CDC7: variants seen among roughly 807,000 people sequenced by gnomAD.
The protein encoded by CDC7 is cell division cycle 7.
Under a neutral mutation model 53.5 loss-of-function variants are expected in CDC7, and 34 were observed. The observed-to-expected ratio is 0.64, with a 90% CI of 0.48 to 0.85. The LOEUF (loss-of-function observed/expected upper bound fraction) is 0.85, where lower values mean the gene tolerates loss of function less well. Among genes scored for constraint, CDC7 ranks in the 40% least tolerant of loss-of-function variants. The pLI is 0.00. For missense variants in CDC7, 594 were observed against 679.7 expected (o/e 0.87, Z 1.40); for synonymous variants, 211 against 222.8 (o/e 0.95, Z 0.47).
chr1:91,524,449 T>C lies in CDC7; in HGVS notation c.*14T>C, dbSNP rs1310268377. On this transcript the variant is annotated 3_prime_UTR_variant, in exon 12 of 12. Transcript: ENST00000234626. ...ATGAGCTTGTGATAATGGATCTTCATTTAATGTTTACTGTTATGAGGTAGA... is the reference window on the plus strand; with the variant it reads ...ATGAGCTTGTGATAATGGATCTTCACTTAATGTTTACTGTTATGAGGTAGA... 6.3e-6 allele frequency: 10 copies of C among 1,579,046 alleles called. No individual in the cohort carries two copies. The highest frequency in any genetic ancestry group is 7.7e-6 in the Non-Finnish European group (9 of 1,165,024).
intron 2 of CDC7, among the ~76,000 whole-genome samples, chr1:91,502,790 T>C (rs1486895940): frequency 6.6e-6 from 1 of 152,176 alleles, no homozygotes; most frequent in Non-Finnish European, 1.5e-5. Context: ...TTTACAACAG[T>C]TTCTCACCTA....
At chr1:91,524,006 T>C (rs1188760226) in intron 11 of CDC7, 35 bp from the exon 12 acceptor site, 1 of 1,524,144 alleles carries the variant, frequency 6.6e-7, no homozygotes, top group Non-Finnish European at 8.9e-7. Flanking sequence ...TAAAATGTTT[T>C]TTTCTGTTTT....
rs1234015430 is a variant in CDC7, at chr1:91,501,782, T to C, written c.66T>C (p.Phe22=). The C allele has an allele frequency of 6.2e-7, 1 of 1,614,160 alleles. No individual in the cohort carries two copies. Among genetic ancestry groups the C allele is most frequent in the African/African-American group, 1.3e-5 (1 of 75,044 alleles). The change falls in exon 2 of 12, where the codon TTT becomes TTC. Residue 22 remains phenylalanine, a synonymous_variant. Transcript: ENST00000234626. The part of the protein sequence containing the change: ...PMAFSPQRDR[F]QAEGSLKKNE... ...CTTTTTCTCCCCAGCGTGACCGGTTTCAGGCTGAAGGCTCTTTAAAAAAAA... is the reference window on the plus strand; with the variant it reads ...CTTTTTCTCCCCAGCGTGACCGGTTCCAGGCTGAAGGCTCTTTAAAAAAAA...
Position 91,515,139 on chromosome 1 carries a change from G to T in CDC7, c.1097+142G>T, listed in dbSNP as rs771697782. 3.2e-4 allele frequency: 170 copies of T among 535,160 alleles called. 1 individual carries two copies. The highest frequency in any genetic ancestry group is 2.0e-4 in the Non-Finnish European group (61 of 307,260). 33.2% of individuals were successfully genotyped at this position (535,160 alleles called of 1,614,324 possible). Reference sequence around the variant, plus strand: ...GGGCCTTGATGCAGAGCAGTAGTATGTTGAAGAGCAAATGATAACAGTTTT... The same window carrying T: ...GGGCCTTGATGCAGAGCAGTAGTATTTTGAAGAGCAAATGATAACAGTTTT... On this transcript the variant is annotated intron_variant, in intron 9 of 11. Transcript: ENST00000234626.
chr1:91,514,450 C>G (rs561424705), intron 8 of CDC7, among the ~76,000 whole-genome samples: 50 of 152,176 alleles, frequency 3.3e-4, no homozygotes, highest in Non-Finnish European at 7.1e-4. Context: ...GACAGCTAGA[C>G]AGCATGAGCA....
Position 91,525,627 on chromosome 1 carries a change from G to A in CDC7, c.*1192G>A, listed in dbSNP as rs1212040743. 1 of 152,002 alleles carries A rather than the reference G, an allele frequency of 6.6e-6. No homozygotes were observed. Among genetic ancestry groups the A allele is most frequent in the Non-Finnish European group, 1.5e-5 (1 of 67,970 alleles). 9.4% of individuals were successfully genotyped at this position (152,002 alleles called of 1,614,324 possible). On this transcript the variant is annotated 3_prime_UTR_variant, in exon 12 of 12. Transcript: ENST00000234626. Reference sequence around the variant, plus strand: ...TGTTATTTTGAGCATTGATAGGTCAGTATATCTACCTAATCTGTTTGGTAA... The same window carrying A: ...TGTTATTTTGAGCATTGATAGGTCAATATATCTACCTAATCTGTTTGGTAA...
At chr1:91,501,527 G>A (rs1268931332) in intron 1 of CDC7, 127 bp from the exon 2 acceptor site, 2 of 598,656 alleles carry the variant, frequency 3.3e-6, no homozygotes, top group East Asian at 2.7e-5. Flanking sequence ...GCCACAGTAT[G>A]CCCTACTGTG....
At chr1:91,510,445 C>G (rs1667224086) in intron 4 of CDC7, among the ~76,000 whole-genome samples, 2 of 152,138 alleles carry the variant, frequency 1.3e-5, no homozygotes, top group East Asian at 3.9e-4. Flanking sequence ...TCACTAATGT[C>G]TATAATCCCT....
chr1:91,508,308 A>T lies in CDC7; in HGVS notation c.246A>T (p.Gly82=). 6.2e-7 allele frequency: 1 copy of T among 1,612,480 alleles called. No homozygotes were observed. The highest frequency in any genetic ancestry group is 8.5e-7 in the Non-Finnish European group (1 of 1,178,940). The stretch of plus-strand genomic sequence containing the variant: ...TGGCCACAGCACAGTTACAAGTAGG[A>T]CCTGAAGAGAAAATTGCTCTAAAAC... The part of the protein sequence containing the change: ...VYLATAQLQV[G]PEEKIALKHL... The change falls in exon 4 of 12, where the codon GGA becomes GGT. Residue 82 remains glycine, a synonymous_variant. Transcript: ENST00000234626.
At chr1:91,505,722 C>G (rs1459390779) in intron 2 of CDC7, among the ~76,000 whole-genome samples, 1 of 152,172 alleles carries the variant, frequency 6.6e-6, no homozygotes, top group Non-Finnish European at 1.5e-5. Context: ...TTTCCCACTT[C>G]AGAATTTGAG....
intron 2 of CDC7, among the ~76,000 whole-genome samples, chr1:91,502,588 C>T (rs919127260): frequency 2.0e-5 from 3 of 152,194 alleles, no homozygotes; most frequent in African/African-American, 7.2e-5. Context: ...TATGACATCA[C>T]ATACTTTCTG....
chr1:91,524,509 T>C lies in CDC7; in HGVS notation c.*74T>C. The C allele has an allele frequency of 8.8e-7, 1 of 1,130,712 alleles. No individual in the cohort carries two copies. Among genetic ancestry groups the C allele is most frequent in the Admixed American group, 2.2e-5 (1 of 44,616 alleles). The allele number at this position is 1,130,712 out of a possible 1,614,324, so 70.0% of individuals were successfully genotyped here. ...AATACTTTGTAATAGCCACAAGTTC[T>C]TGTTTAGAGACCAGAGCAGGATTAA... On this transcript the variant is annotated 3_prime_UTR_variant, in exon 12 of 12. Coordinates refer to ENST00000234626, the MANE Select transcript of CDC7 (RefSeq NM_003503.4).
chr1:91,511,436 C>T (rs13447502), intron 4 of CDC7, among the ~76,000 whole-genome samples, 161 bp from the exon 5 acceptor site: 2 of 152,038 alleles, frequency 1.3e-5, no homozygotes, highest in East Asian at 1.9e-4. Context: ...AACTTTAACA[C>T]GAGAACACAA....
chr1:91,514,339 G>A (rs1268243224), intron 8 of CDC7, among the ~76,000 whole-genome samples: 1 of 152,124 alleles, frequency 6.6e-6, no homozygotes, highest in Non-Finnish European at 1.5e-5. Context: ...CATACAGTTA[G>A]CTAACTATTC....
intron 10 of CDC7, among the ~76,000 whole-genome samples, chr1:91,516,746 A>G (rs900868180): frequency 6.6e-6 from 1 of 152,214 alleles, no homozygotes; most frequent in Non-Finnish European, 1.5e-5. Flanking sequence ...AAGGAACTCA[A>G]GAAACAGCAT....
In CDC7 at chr1:91,514,001, C is replaced by G; in HGVS notation, c.876C>G (p.Phe292Leu). The G allele has an allele frequency of 6.2e-7, 1 of 1,612,300 alleles. No individual in the cohort carries two copies. Among genetic ancestry groups the G allele is most frequent in the Non-Finnish European group, 8.5e-7 (1 of 1,178,672 alleles). ...VQRSVFGERN[F>L]NIHSSISHES... The stretch of plus-strand genomic sequence containing the variant: ...GCTCTGTTTTTGGAGAAAGAAATTT[C>G]AATATACACAGCTCCATTTCACATG... Residue 292 changes from phenylalanine to leucine, a missense_variant, in exon 8 of 12, where the codon TTC becomes TTG. Transcript: ENST00000234626.
At chr1:91,517,742 G>A (rs991164711) in intron 10 of CDC7, among the ~76,000 whole-genome samples, 11 of 152,120 alleles carry the variant, frequency 7.2e-5, no homozygotes, top group African/African-American at 1.9e-4. Context: ...AGGAATATCC[G>A]TCAGCACTTA....
At chr1:91,522,167 AAAAC>A (rs1488686117) in intron 11 of CDC7, among the ~76,000 whole-genome samples, 1 of 152,204 alleles carries the variant, frequency 6.6e-6, no homozygotes, top group Non-Finnish European at 1.5e-5. Context: ...CTGTCTCAAA[AAAAC>A]AAATAATAAA....
chr1:91,522,709 A>G (rs930264894), intron 11 of CDC7, among the ~76,000 whole-genome samples: 2 of 152,218 alleles, frequency 1.3e-5, no homozygotes, highest in Non-Finnish European at 2.9e-5. Flanking sequence ...TAGAGAGAAT[A>G]GGAATGATAG....
Sources: gnomAD v4.1 joint callset for allele counts (sites outside exome capture counted in the v4.1 genomes callset) on GRCh38, gnomAD v4.1.1 for gene constraint, MANE v1.5 for transcripts, NCBI Gene and HGNC (gene_info 2026-07-23, HGNC 2026-07-21) for gene names.